The following PARD3 variants were observed in gnomAD, a reference collection of about 807,000 sequenced individuals.
PARD3 encodes the protein par-3 family cell polarity regulator.
PARD3 carries 75 observed loss-of-function variants against 155.4 expected under a neutral mutation model. The ratio of observed to expected loss-of-function variants is 0.48; its 90% CI spans 0.40 to 0.58. The LOEUF (loss-of-function observed/expected upper bound fraction) is 0.58. Among genes scored for constraint, PARD3 ranks in the 20% least tolerant of loss-of-function variants. The probability of loss-of-function intolerance (pLI) is 0.00; values close to 1 mark genes in which losing one functional copy is unlikely to be tolerated. For missense variants in PARD3, 1,642 were observed against 1,721.7 expected, an observed-to-expected ratio of 0.95 and a Z score of 0.82; for synonymous variants, 576 against 610.5, an observed-to-expected ratio of 0.94 and a Z score of 0.83.
chr10:34,346,173 G>C, intron 15 of PARD3: 3 of 1,101,354 alleles, frequency 2.7e-6, no homozygotes, highest in Non-Finnish European at 3.3e-6. Context: ...CTAGCAGAAG[G>C]AAGAGGAAAC....
intron 5 of PARD3, among the ~76,000 whole-genome samples, chr10:34,423,196 T>C (rs2075409283): frequency 6.6e-6 from 1 of 152,124 alleles, no homozygotes; most frequent in Non-Finnish European, 1.5e-5. Context: ...TGGAGGACAT[T>C]ATGTTAAGTG....
chr10:34,733,912 A>T (rs2094863298), intron 1 of PARD3, among the ~76,000 whole-genome samples: 1 of 152,010 alleles, frequency 6.6e-6, no homozygotes, highest in South Asian at 2.1e-4. Flanking sequence ...AAAAGAAGAG[A>T]GTAAATTATG....
intron 15 of PARD3, chr10:34,346,216 A>C: frequency 2.6e-6 from 3 of 1,153,554 alleles, no homozygotes; most frequent in Non-Finnish European, 3.3e-6. Context: ...GAAGAGGACT[A>C]ATGAAGCTGT....
chr10:34,775,144 A>G (rs1217666319), intron 1 of PARD3, among the ~76,000 whole-genome samples: 1 of 152,200 alleles, frequency 6.6e-6, no homozygotes, highest in Non-Finnish European at 1.5e-5. Flanking sequence ...CCAATATTTC[A>G]AGCTCATATG....
chr10:34,341,819 G>C lies in PARD3; in HGVS notation c.2219-3C>G. The C allele has an allele frequency of 6.4e-7, 1 of 1,566,762 alleles. No individual in the cohort carries two copies. The highest frequency in any genetic ancestry group is 8.7e-7 in the Non-Finnish European group (1 of 1,152,864). ...TGTAGGGGACAGCTGGTATTTACCTGTCCAGTGAAAAAAGAAGAAGAGAAA... is the reference window on the plus strand; with the variant it reads ...TGTAGGGGACAGCTGGTATTTACCTCTCCAGTGAAAAAAGAAGAAGAGAAA... On this transcript the variant is annotated splice_region_variant and splice_polypyrimidine_tract_variant and intron_variant, in intron 15 of 24. Coordinates refer to ENST00000374788, the MANE Select transcript of PARD3 (RefSeq NM_001184785.2).
intron 3 of PARD3, among the ~76,000 whole-genome samples, chr10:34,502,585 C>A (rs1042050374): frequency 2.6e-5 from 4 of 152,058 alleles, no homozygotes. Flanking sequence ...TATATAGACA[C>A]ACACACACAG....
intron 2 of PARD3, among the ~76,000 whole-genome samples, chr10:34,650,545 A>T (rs1334576776): frequency 6.6e-6 from 1 of 151,608 alleles, no homozygotes; most frequent in Non-Finnish European, 1.5e-5. Flanking sequence ...TGAAGTGGAC[A>T]TTTTTTTTTA....
At position 34,475,252 on chromosome 10, in the gene PARD3, A is replaced by G. The variant is rs770846373; in HGVS notation, c.404-4989T>C. On this transcript the variant is annotated intron_variant, in intron 3 of 24. Transcript: ENST00000374788. ...CACAACTCAATTTTATGAAAATTGT[A>G]TTTTATAAAACAAAGCACATTTAGT... Among the ~76,000 whole-genome samples the G allele has an allele frequency of 6.3e-4, 96 of 152,226 alleles. 3 individuals are homozygous for G. Among genetic ancestry groups the G allele is most frequent in the Non-Finnish European group, 2.2e-4 (15 of 68,030 alleles).
intron 19 of PARD3, 87 bp downstream of exon 19, chr10:34,331,030 C>A (rs1016852017): frequency 3.2e-6 from 3 of 931,026 alleles, no homozygotes; most frequent in Non-Finnish European, 5.0e-6. Context: ...CCTGAAGAAT[C>A]TTAGAAAACT....
At chr10:34,605,021 T>C (rs538629239) in intron 2 of PARD3, among the ~76,000 whole-genome samples, 1 of 152,136 alleles carries the variant, frequency 6.6e-6, no homozygotes, top group Non-Finnish European at 1.5e-5. Flanking sequence ...AAGGGAAAAC[T>C]TTCACTGAGT....
chr10:34,205,154 AC>A (rs1172872392), intron 22 of PARD3, among the ~76,000 whole-genome samples: 1 of 151,904 alleles, frequency 6.6e-6, no homozygotes, highest in Non-Finnish European at 1.5e-5. Flanking sequence ...TGTGTTATAC[AC>A]CTGCTGGAAA....
intron 5 of PARD3, among the ~76,000 whole-genome samples, chr10:34,415,846 T>C (rs1315586218): frequency 6.6e-6 from 1 of 152,164 alleles, no homozygotes; most frequent in Non-Finnish European, 1.5e-5. Flanking sequence ...ACATACTGTC[T>C]GGAGAAAGCA....
intron 2 of PARD3, among the ~76,000 whole-genome samples, chr10:34,620,915 T>C (rs2091629243): frequency 6.6e-6 from 1 of 152,250 alleles, no homozygotes; most frequent in South Asian, 2.1e-4. Context: ...ATGTGTTCTT[T>C]CATTATTACA....
intron 14 of PARD3, among the ~76,000 whole-genome samples, chr10:34,350,875 G>T (rs184669097): frequency 1.3e-5 from 2 of 151,994 alleles, no homozygotes; most frequent in Non-Finnish European, 2.9e-5. Flanking sequence ...ACCCACACTC[G>T]GTAGGAGTGT....
intron 23 of PARD3, among the ~76,000 whole-genome samples, chr10:34,124,384 T>C (rs1947166464): frequency 6.6e-6 from 1 of 152,190 alleles, no homozygotes; most frequent in Non-Finnish European, 1.5e-5. Flanking sequence ...AGAGTAGCAA[T>C]TTAAAGATTT....
chr10:34,189,410 C>T (rs1275849501), intron 22 of PARD3, among the ~76,000 whole-genome samples: 4 of 152,144 alleles, frequency 2.6e-5, no homozygotes, highest in African/African-American at 9.7e-5. Flanking sequence ...GTTGGTGGTG[C>T]AAACGCCATA....
chr10:34,546,875 C>T (rs917540960), intron 2 of PARD3, among the ~76,000 whole-genome samples: 1 of 152,166 alleles, frequency 6.6e-6, no homozygotes, highest in Admixed American at 6.5e-5. Context: ...TCTAGAAGGA[C>T]CCCTGACAGC....
At chr10:34,135,443 C>T (rs748643031) in intron 22 of PARD3, among the ~76,000 whole-genome samples, 9 of 152,180 alleles carry the variant, frequency 5.9e-5, no homozygotes, top group African/African-American at 1.7e-4. Flanking sequence ...CCTAGCCCAG[C>T]GTGCACAGAA....
At chr10:34,329,095 T>C (rs1271591426) in intron 19 of PARD3, among the ~76,000 whole-genome samples, 1 of 152,224 alleles carries the variant, frequency 6.6e-6, no homozygotes, top group East Asian at 1.9e-4. Context: ...TGAACTTTAA[T>C]ATACTGTTAT....
Sources: allele counts gnomAD v4.1 joint callset (sites outside exome capture counted in the v4.1 genomes callset), GRCh38; gene constraint gnomAD v4.1.1; transcripts MANE v1.5; gene names NCBI Gene and HGNC (gene_info 2026-07-23, HGNC 2026-07-21).